RHBDD1: variants seen among roughly 807,000 people sequenced by gnomAD.
The protein encoded by RHBDD1 is rhomboid-related protein 4.
A neutral mutation model predicts 36.3 loss-of-function variants in RHBDD1; 38 were observed. That is an observed-to-expected ratio of 1.05 (90% CI 0.81 to 1.37). RHBDD1 has a LOEUF of 1.37. RHBDD1 is among the 40% of genes most tolerant of loss of function. RHBDD1 has a pLI of 0.00. For synonymous variants in RHBDD1, 151 were observed against 136.5 expected, an observed-to-expected ratio of 1.11 and a Z score of -0.74; for missense variants, 393 against 377.6, an observed-to-expected ratio of 1.04 and a Z score of -0.34.
the RHBDD1 span, among the ~76,000 whole-genome samples, chr2:226,810,357 T>G: frequency 1.3e-5 from 2 of 151,738 alleles, no homozygotes; most frequent in African/African-American, 2.4e-5. Context: ...CTGGCCAACA[T>G]GACAAAATCC....
intron 5 of RHBDD1, among the ~76,000 whole-genome samples, chr2:226,880,645 A>G (rs913560401): frequency 2.6e-5 from 4 of 152,212 alleles, no homozygotes; most frequent in African/African-American, 4.8e-5. Context: ...CAGCTGGACA[A>G]TGATCTTCCC....
intron 5 of RHBDD1, chr2:226,869,078 A>G: frequency 1.7e-6 from 1 of 584,226 alleles, no homozygotes; most frequent in Non-Finnish European, 2.2e-6. Context: ...CCATTGAATA[A>G]CAGTGCGTTT....
chr2:226,871,172 A>T (rs892833908), intron 5 of RHBDD1, among the ~76,000 whole-genome samples: 1 of 152,204 alleles, frequency 6.6e-6, no homozygotes, highest in South Asian at 2.1e-4. Flanking sequence ...CAGATTTTCA[A>T]TTATTTTTCA....
At chr2:226,902,917 G>C (rs1559250661) in intron 5 of RHBDD1, among the ~76,000 whole-genome samples, 1 of 152,128 alleles carries the variant, frequency 6.6e-6, no homozygotes, top group Non-Finnish European at 1.5e-5. Context: ...TTGTAAATGA[G>C]ATTCAAGATT....
intron 5 of RHBDD1, among the ~76,000 whole-genome samples, chr2:226,895,382 T>C (rs1246945782): frequency 1.3e-5 from 2 of 151,754 alleles, no homozygotes; most frequent in Non-Finnish European, 2.9e-5. Flanking sequence ...TTCTAAGAGG[T>C]TGGGGTGTGG....
At chr2:226,829,221 TG>T in the RHBDD1 span, among the ~76,000 whole-genome samples, 4 of 152,228 alleles carry the variant, frequency 2.6e-5, no homozygotes, top group South Asian at 8.3e-4. Context: ...TCTATTCTGT[TG>T]ATCTTTATGC....
At chr2:226,928,247 T>A (rs1206112080) in intron 8 of RHBDD1, among the ~76,000 whole-genome samples, 1 of 152,094 alleles carries the variant, frequency 6.6e-6, no homozygotes, top group Non-Finnish European at 1.5e-5. Context: ...CAATTGAATA[T>A]GTTTACATCA....
intron 8 of RHBDD1, among the ~76,000 whole-genome samples, chr2:226,939,172 A>AT (rs1950521776): frequency 6.6e-6 from 1 of 152,244 alleles, no homozygotes; most frequent in Non-Finnish European, 1.5e-5. Context: ...AGCCAATATC[A>AT]TACTGAATGG....
intron 8 of RHBDD1, among the ~76,000 whole-genome samples, chr2:226,979,386 C>T (rs968677815): frequency 1.3e-5 from 2 of 152,170 alleles, no homozygotes; most frequent in African/African-American, 2.4e-5. Context: ...TTCCTGTTAA[C>T]AGGCCCCCAT....
intron 8 of RHBDD1, among the ~76,000 whole-genome samples, chr2:226,948,219 A>G (rs1951131856): frequency 6.8e-6 from 1 of 147,392 alleles, no homozygotes; most frequent in African/African-American, 2.5e-5. Context: ...CATATACACC[A>G]TGGAATACTA....
At chr2:226,902,889 A>C (rs187203021) in intron 5 of RHBDD1, among the ~76,000 whole-genome samples, 1 of 152,320 alleles carries the variant, frequency 6.6e-6, no homozygotes, top group African/African-American at 2.4e-5. Flanking sequence ...AATTCATTTC[A>C]CTGTATTGTA....
intron 5 of RHBDD1, among the ~76,000 whole-genome samples, chr2:226,885,264 T>C (rs1370696105): frequency 1.3e-5 from 2 of 152,134 alleles, no homozygotes; most frequent in African/African-American, 2.4e-5. Context: ...GAAAAGTAAT[T>C]TGGGCATGTG....
At chr2:226,980,432 G>T (rs150860032) in intron 8 of RHBDD1, among the ~76,000 whole-genome samples, 4 of 152,282 alleles carry the variant, frequency 2.6e-5, no homozygotes, top group African/African-American at 9.6e-5. Flanking sequence ...GAGATTTGGG[G>T]TGTGGTTCTG....
At chr2:226,808,952 G>T in the RHBDD1 span, among the ~76,000 whole-genome samples, 7 of 152,308 alleles carry the variant, frequency 4.6e-5, no homozygotes, top group African/African-American at 1.7e-4. Context: ...GATGGGGGAA[G>T]ATCAGGAGTT....
At chr2:226,874,767 T>G (rs1422072908) in intron 5 of RHBDD1, among the ~76,000 whole-genome samples, 2 of 152,204 alleles carry the variant, frequency 1.3e-5, no homozygotes, top group Admixed American at 6.5e-5. Context: ...GGGATTTGGA[T>G]GTAGATGTCT....
At chr2:226,968,860 A>T (rs1952900861) in intron 8 of RHBDD1, 1 of 152,234 alleles carries the variant, frequency 6.6e-6, no homozygotes, top group Admixed American at 6.5e-5. Context: ...CAATTTCCTC[A>T]TCTGAGGAGT....
chr2:226,834,548 A>C (rs1432303344), upstream of RHBDD1, among the ~76,000 whole-genome samples: 2 of 152,234 alleles, frequency 1.3e-5, no homozygotes, highest in African/African-American at 4.8e-5. Context: ...CCACATTTTC[A>C]CTTAAATTTC....
At chr2:226,991,032 T>C (rs951474728) in intron 8 of RHBDD1, among the ~76,000 whole-genome samples, 2 of 152,244 alleles carry the variant, frequency 1.3e-5, no homozygotes, top group Non-Finnish European at 2.9e-5. Flanking sequence ...AGCGTGCTGC[T>C]TAATGAAAGT....
intron 5 of RHBDD1, among the ~76,000 whole-genome samples, chr2:226,875,497 C>G (rs141011914): frequency 2.6e-5 from 4 of 152,184 alleles, no homozygotes; most frequent in African/African-American, 7.2e-5. Context: ...CCGTACCCAT[C>G]GAGACTTCAC....
Sources: gnomAD v4.1 joint callset for allele counts (sites outside exome capture counted in the v4.1 genomes callset) on GRCh38, gnomAD v4.1.1 for gene constraint, MANE v1.5 for transcripts, NCBI Gene and HGNC (gene_info 2026-07-23, HGNC 2026-07-21) for gene names.